The following IL2RB variants were observed in gnomAD, a reference collection of about 807,000 sequenced individuals.
The protein encoded by IL2RB is interleukin 2 receptor subunit beta, also known as interleukin-2 receptor subunit beta.
Under a neutral mutation model 44.2 loss-of-function variants are expected in IL2RB, and 17 were observed. That is an observed-to-expected ratio of 0.38 (90% CI 0.26 to 0.58). The LOEUF (loss-of-function observed/expected upper bound fraction) is 0.58. Among genes scored for constraint, IL2RB ranks in the 20% least tolerant of loss-of-function variants. IL2RB has a pLI of 0.63. For missense variants in IL2RB, 624 were observed against 685.5 expected (o/e 0.91, Z 1.00); for synonymous variants, 286 against 297.9 (o/e 0.96, Z 0.41).
At chr22:37,143,379 C>T in intron 3 of IL2RB, 142 bp downstream of exon 3, 2 of 611,126 alleles carry the variant, frequency 3.3e-6, no homozygotes, top group East Asian at 2.8e-5. Context: ...AGGCCTGGGC[C>T]CCAACTCCTG....
intron 1 of IL2RB, among the ~76,000 whole-genome samples, chr22:37,156,622 G>A (rs1922688288): frequency 6.6e-6 from 1 of 152,206 alleles, no homozygotes; most frequent in Non-Finnish European, 1.5e-5. Flanking sequence ...GCCTCTGCCT[G>A]TTAAGGACCC....
At chr22:37,152,698 CCCTTTTTTGGCGGGG>C (rs1922535987), upstream of IL2RB, among the ~76,000 whole-genome samples, 3 of 152,060 alleles carry the variant, frequency 2.0e-5, no homozygotes, top group Admixed American at 6.5e-5. Context: ...ACCCTTCTCC[CCCTTTTTTGGCGGGG>C]GAGAAGGGTG....
intron 3 of IL2RB, 120 bp from the exon 4 acceptor site, chr22:37,142,632 C>A (rs1490405038): frequency 1.0e-6 from 1 of 965,630 alleles, no homozygotes; most frequent in Non-Finnish European, 1.7e-6. Flanking sequence ...CAGGCTGGGG[C>A]CCCTGTGCCA....
In IL2RB at chr22:37,128,496, C is replaced by T. The variant is rs748540516; in HGVS notation, c.1256G>A (p.Cys419Tyr). The T allele has an allele frequency of 1.2e-6, 2 of 1,607,110 alleles. No individual in the cohort carries two copies. Among genetic ancestry groups the T allele is most frequent in the Admixed American group, 1.7e-5 (1 of 59,754 alleles). The change falls in exon 10 of 10, where the codon TGC becomes TAC. Residue 419 changes from cysteine (C) to tyrosine (Y), a missense_variant. Transcript: ENST00000216223. This position sits in a 1 kb window ranked among gnomAD's most constrained non-coding sequence, Gnocchi z 4.5. ...QPLSGEDDAY[C>Y]TFPSRDDLLL... is the part of the protein sequence containing the mutation. ...CAGGTCATCCCTGGAGGGGAAGGTG[C>T]AGTAGGCGTCGTCCTCCCCTGACAG...
chr22:37,128,689 G>A lies in IL2RB; in HGVS notation c.1063C>T (p.Leu355=). The A allele has an allele frequency of 6.2e-7, 1 of 1,614,196 alleles. No homozygotes were observed. Among genetic ancestry groups the A allele is most frequent in the East Asian group, 2.2e-5 (1 of 44,888 alleles). Residue 355 remains leucine (L), a synonymous_variant, in exon 10 of 10, where the codon CTG becomes TTG. Transcript: ENST00000216223. This position sits in a 1 kb window ranked among gnomAD's most constrained non-coding sequence, Gnocchi z 4.5. ...EPASLSSNHS[L]TSCFTNQGYF... is the part of the protein sequence containing the mutation. ...CCCTGGTTGGTGAAGCAGCTGGTCA[G>A]CGAGTGGTTGCTGCTTAAGGATGCG...
In IL2RB at chr22:37,141,250, C is replaced by T. The variant is rs1376633656; in HGVS notation, c.282+1184G>A. Among the ~76,000 whole-genome samples the T allele has an allele frequency of 6.6e-6, 1 of 152,120 alleles. No homozygotes were observed. The highest frequency in any genetic ancestry group is 1.5e-5 in the Non-Finnish European group (1 of 67,994). ...GGGCCCTGGTCCAAACCCAAGCCTC[C>T]AGGTGATCTTGCAAGCAGGGAGCAC... On this transcript the variant is annotated intron_variant, in intron 4 of 9. Coordinates refer to ENST00000216223, the MANE Select transcript of IL2RB (RefSeq NM_000878.5). This position sits in a 1 kb window ranked among gnomAD's most constrained non-coding sequence, Gnocchi z 4.4.
chr22:37,156,580 T>C lies in IL2RB; in HGVS notation c.-33-12375A>G, dbSNP rs555090986. Among the ~76,000 whole-genome samples the C allele has an allele frequency of 2.6e-5, 4 of 152,218 alleles. No homozygotes were observed. In the South Asian group the frequency reaches 8.3e-4, roughly 32 times the overall value. ...CCCATCACCTCTGCGTTCCTGCAGATGGAAGGGAAAGGAAGGAGAGAGGGA... is the reference window on the plus strand; with the variant it reads ...CCCATCACCTCTGCGTTCCTGCAGACGGAAGGGAAAGGAAGGAGAGAGGGA... On this transcript the variant is annotated intron_variant, in intron 1 of 5. Transcript: ENST00000429622.
At position 37,149,813 on chromosome 22, in the gene IL2RB, G is replaced by C. The variant is rs1922399113; in HGVS notation, c.-34+12C>G. 1 of 983,190 alleles carries C rather than the reference G, an allele frequency of 1.0e-6. No individual in the cohort carries two copies. Among genetic ancestry groups the C allele is most frequent in the Non-Finnish European group, 1.2e-6 (1 of 827,998 alleles). The allele number at this position is 983,190 out of a possible 1,614,324, so 60.9% of individuals were successfully genotyped here. ...GTCCACAGGGGCCGGGAGGGAGGCA[G>C]GGGGACATCACCTGGCTGAGACATG... is the stretch of plus-strand genomic sequence containing the variant. On this transcript the variant is annotated intron_variant, in intron 1 of 9. Coordinates refer to ENST00000216223, the MANE Select transcript of IL2RB (RefSeq NM_000878.5).
chr22:37,139,724 C>T (rs967665588), intron 4 of IL2RB, among the ~76,000 whole-genome samples: 6 of 152,218 alleles, frequency 3.9e-5, no homozygotes, highest in East Asian at 1.9e-4. Context: ...CCCATCCCTA[C>T]GCCTTGAATT....
At chr22:37,147,658 G>A (rs1298528592) in intron 1 of IL2RB, among the ~76,000 whole-genome samples, 1 of 152,248 alleles carries the variant, frequency 6.6e-6, no homozygotes, top group Non-Finnish European at 1.5e-5. Context: ...CACCCTGCCA[G>A]ACACTGGTCC....
At chr22:37,156,133 G>A (rs1922672854) in intron 1 of IL2RB, among the ~76,000 whole-genome samples, 1 of 152,154 alleles carries the variant, frequency 6.6e-6, no homozygotes, top group Non-Finnish European at 1.5e-5. Context: ...CCCAGGAGAT[G>A]TCAGGGTCCA....
In IL2RB at chr22:37,132,371, C is replaced by T. The variant is rs774873160; in HGVS notation, c.903+13G>A. 6.2e-7 allele frequency: 1 copy of T among 1,611,764 alleles called. No homozygotes were observed. Among genetic ancestry groups the T allele is most frequent in the Non-Finnish European group, 8.5e-7 (1 of 1,178,190 alleles). On this transcript the variant is annotated intron_variant, in intron 9 of 9. Coordinates refer to ENST00000216223, the MANE Select transcript of IL2RB (RefSeq NM_000878.5). ...CCCCTGCCCACCTCTGTCTCCCCGC[C>T]CCGGCCTCCTACCTGGACGTCTCCT... is the stretch of plus-strand genomic sequence containing the variant.
intron 1 of IL2RB, among the ~76,000 whole-genome samples, chr22:37,160,615 G>A (rs2145736135): frequency 6.6e-6 from 1 of 151,986 alleles, no homozygotes; most frequent in East Asian, 1.9e-4. Flanking sequence ...GCCAAGGCGG[G>A]TGGATTGCTT....
intron 1 of IL2RB, among the ~76,000 whole-genome samples, chr22:37,173,531 T>C (rs2145745784): frequency 6.6e-6 from 1 of 152,336 alleles, no homozygotes; most frequent in South Asian, 2.1e-4. Context: ...TACCTTAAAA[T>C]AATTTTTAAC....
rs974812944 is a variant in IL2RB, at chr22:37,170,634, G to A, written c.-34+4324C>T. Among the ~76,000 whole-genome samples, 8 of 152,212 alleles carry A rather than the reference G, an allele frequency of 5.3e-5. No individual in the cohort carries two copies. In the South Asian group the frequency reaches 1.0e-3, roughly 20 times the overall value. ...CTTCTGGCCACCTCTCAGTCCCAAG[G>A]GTGCCACATTTGGGGTTCTCCACCA... On this transcript the variant is annotated intron_variant, in intron 1 of 5. Coordinates refer to the IL2RB transcript ENST00000429622.
At chr22:37,172,815 G>A (rs947107564) in intron 1 of IL2RB, among the ~76,000 whole-genome samples, 8 of 152,176 alleles carry the variant, frequency 5.3e-5, no homozygotes, top group African/African-American at 1.9e-4. Flanking sequence ...TCTGGTGCAA[G>A]CTGGCTCCAG....
In IL2RB at chr22:37,163,618, C is replaced by G. The variant is rs538542714; in HGVS notation, c.-34+11340G>C. Among the ~76,000 whole-genome samples, 4 of 152,342 alleles carry G rather than the reference C, an allele frequency of 2.6e-5. No individual in the cohort carries two copies. In the East Asian group the frequency reaches 7.7e-4, roughly 29 times the overall value. On this transcript the variant is annotated intron_variant, in intron 1 of 5. Coordinates refer to the IL2RB transcript ENST00000429622. ...TGCCTCCCTCAAGGGAGGAGGGACTCTTCTCAGCCCTTGGGAGGGGCTCCT... is the reference window on the plus strand; with the variant it reads ...TGCCTCCCTCAAGGGAGGAGGGACTGTTCTCAGCCCTTGGGAGGGGCTCCT...
chr22:37,142,557 C>A (rs747383840), intron 3 of IL2RB, 45 bp from the exon 4 acceptor site: 4 of 1,574,492 alleles, frequency 2.5e-6, no homozygotes, highest in Non-Finnish European at 2.6e-6. Context: ...GAAGGACCCA[C>A]ACAGCTGGCC....
intron 9 of IL2RB, among the ~76,000 whole-genome samples, 167 bp from the exon 10 acceptor site, chr22:37,129,015 C>T (rs996728773): frequency 1.3e-5 from 2 of 152,214 alleles, no homozygotes; most frequent in African/African-American, 4.8e-5. Flanking sequence ...TCCCCCAACC[C>T]ACCCACTGGC....
Sources: allele counts gnomAD v4.1 joint callset (sites outside exome capture counted in the v4.1 genomes callset), GRCh38; gene constraint gnomAD v4.1.1; non-coding constraint Gnocchi (gnomAD v3.1); transcripts MANE v1.5; gene names NCBI Gene and HGNC (gene_info 2026-07-23, HGNC 2026-07-21).